Variants in PCNT observed in about 807,000 individuals in gnomAD.
The protein encoded by PCNT is kendrin.
Under a neutral mutation model 380.4 loss-of-function variants are expected in PCNT, and 319 were observed. That is an observed-to-expected ratio of 0.84 (90% confidence interval 0.77 to 0.92). PCNT has a LOEUF of 0.92. Among genes scored for constraint, PCNT ranks in the 40% least tolerant of loss-of-function variants. The pLI is 0.00. For missense variants in PCNT, 4,400 were observed against 4,255.3 expected, an observed-to-expected ratio of 1.03 and a Z score of -0.95; for synonymous variants, 1,845 against 1,735.2, an observed-to-expected ratio of 1.06 and a Z score of -1.57.
intron 19 of PCNT, 129 bp from the exon 20 acceptor site, chr21:46,390,525 GCTCAGGTCCCGTCACC>G: frequency 1.2e-6 from 1 of 822,208 alleles, no homozygotes; most frequent in Non-Finnish European, 2.1e-6. Context: ...GCTGAGATGT[GCTCAGGTCCCGTCACC>G]CTGGCCTGGC....
At position 46,390,783 on chromosome 21, in the gene PCNT, G is replaced by C. The variant is rs751366887; in HGVS notation, c.3954G>C (p.Glu1318Asp). The change falls in exon 20 of 47, where the codon GAG becomes GAC. Residue 1318 changes from glutamate to aspartate, a missense_variant. Transcript: ENST00000359568. Reference sequence around the variant, plus strand: ...AGGAGCTGCTGGAGTGTTTGAAGGAGGAGAGCGCAGCAAAGGCAGAGCTGG... The same window carrying C: ...AGGAGCTGCTGGAGTGTTTGAAGGACGAGAGCGCAGCAAAGGCAGAGCTGG... ...KHQELLECLK[E>D]ESAAKAELAL... The C allele has an allele frequency of 6.8e-6, 11 of 1,612,584 alleles. No homozygotes were observed. Among genetic ancestry groups the C allele is most frequent in the Non-Finnish European group, 9.3e-6 (11 of 1,179,748 alleles).
chr21:46,325,987 TGGG>T (rs2083383600), intron 1 of PCNT, among the ~76,000 whole-genome samples: 1 of 152,228 alleles, frequency 6.6e-6, no homozygotes, highest in South Asian at 2.1e-4. Flanking sequence ...TTTCTTCAGT[TGGG>T]GGAAAATTGG....
chr21:46,366,912 C>G lies in PCNT; in HGVS notation c.2938C>G (p.Gln980Glu), dbSNP rs747436234. 6.2e-7 allele frequency: 1 copy of G among 1,614,236 alleles called. No individual in the cohort carries two copies. The highest frequency in any genetic ancestry group is 2.2e-5 in the East Asian group (1 of 44,880). The change falls in exon 15 of 47, where the codon CAG becomes GAG. Residue 980 changes from glutamine (Q) to glutamate (E), a missense_variant. Gln to Glu is a conservative substitution (Grantham distance 29). Coordinates refer to ENST00000359568, the MANE Select transcript of PCNT (RefSeq NM_006031.6). Reference protein sequence around the residue: ...SLESCYLSEFQTIREEHRQAL... With the variant: ...SLESCYLSEFETIREEHRQAL... ...GGAATCCTGTTACCTCTCTGAATTT[C>G]AGACCATCCGTGAGGAGCACAGGCA... is the stretch of plus-strand genomic sequence containing the variant.
chr21:46,440,879 T>C lies in PCNT; in HGVS notation c.9418T>C (p.Leu3140=). The part of the protein sequence containing the change: ...VKMEKLYLHY[L]RAESFRKALI... The stretch of plus-strand genomic sequence containing the variant: ...GATGGAAAAATTGTACCTGCATTAC[T>C]TGAGAGCAGAGAGCTTTAGAAAAGC... Residue 3140 remains leucine, a synonymous_variant, in exon 43 of 47, where the codon TTG becomes CTG. Coordinates refer to ENST00000359568, the MANE Select transcript of PCNT (RefSeq NM_006031.6). The C allele has an allele frequency of 6.2e-7, 1 of 1,611,390 alleles. No homozygotes were observed. Among genetic ancestry groups the C allele is most frequent in the Non-Finnish European group, 8.5e-7 (1 of 1,177,458 alleles).
chr21:46,439,544 T>G (rs537540913), intron 41 of PCNT, among the ~76,000 whole-genome samples: 37 of 152,330 alleles, frequency 2.4e-4, no homozygotes, highest in African/African-American at 8.4e-4. Flanking sequence ...CAGCACCTCA[T>G]TCAGTGTAAA....
chr21:46,378,130 T>C (rs2085390958), intron 15 of PCNT, among the ~76,000 whole-genome samples: 1 of 152,218 alleles, frequency 6.6e-6, no homozygotes, highest in South Asian at 2.1e-4. Context: ...ATTTCCTTGA[T>C]GTTTCCTTTA....
chr21:46,338,321 G>A (rs549283779), intron 3 of PCNT, among the ~76,000 whole-genome samples: 115 of 152,222 alleles, frequency 7.6e-4, no homozygotes, highest in Middle Eastern at 3.4e-3. Context: ...TCCTTCCCCA[G>A]CCTCTGGCAA....
intron 39 of PCNT, 23 bp downstream of exon 39, chr21:46,436,171 G>A (rs770388927): frequency 7.5e-6 from 12 of 1,601,658 alleles, no homozygotes; most frequent in Admixed American, 5.0e-5. Context: ...GCCACCTGGC[G>A]CTCACTGGTC....
Position 46,398,222 on chromosome 21 carries a change from A to T in PCNT, c.4564-13A>T. 1.9e-6 allele frequency: 3 copies of T among 1,608,700 alleles called. No homozygotes were observed. The highest frequency in any genetic ancestry group is 2.5e-6 in the Non-Finnish European group (3 of 1,178,544). ...CTTTAAATTTTTGCCTTCCATGTAC[A>T]TGAAATCGGCAGCAGGCGCCGCTGG... On this transcript the variant is annotated splice_polypyrimidine_tract_variant and intron_variant, in intron 23 of 46. Transcript: ENST00000359568.
intron 1 of PCNT, among the ~76,000 whole-genome samples, chr21:46,325,606 A>G (rs544165735): frequency 4.5e-4 from 69 of 152,328 alleles, no homozygotes; most frequent in African/African-American, 1.6e-3. Flanking sequence ...TACTTGTGTT[A>G]TCATTTACAC....
intron 2 of PCNT, among the ~76,000 whole-genome samples, chr21:46,328,816 C>G (rs1040907439): frequency 6.6e-6 from 1 of 151,390 alleles, no homozygotes; most frequent in African/African-American, 2.4e-5. Context: ...CTCTGTCATC[C>G]AGGCTGGAGT....
chr21:46,346,614 C>T, intron 4 of PCNT, 129 bp from the exon 5 acceptor site: 1 of 1,210,918 alleles, frequency 8.3e-7, no homozygotes, highest in Non-Finnish European at 1.2e-6. Flanking sequence ...CCTGCCCCTG[C>T]TTCCACGGGA....
At position 46,416,595 on chromosome 21, in the gene PCNT, C is replaced by T. The variant is rs552008852; in HGVS notation, c.6677C>T (p.Ser2226Phe). The T allele has an allele frequency of 4.4e-6, 7 of 1,603,370 alleles. No homozygotes were observed. In the South Asian group the frequency reaches 6.7e-5, roughly 15 times the overall value. The change falls in exon 30 of 47, where the codon TCC (serine) becomes TTC (phenylalanine). Residue 2226 changes from serine to phenylalanine, a missense_variant. By Grantham distance (155) the Ser-to-Phe change is radical. Coordinates refer to ENST00000359568, the MANE Select transcript of PCNT (RefSeq NM_006031.6). Reference sequence around the variant, plus strand: ...ATGCTGGACCTGTCTTCCTGGAGCTCCCCTGAGGTCCTCAGGAAGGACTGG... The same window carrying T: ...ATGCTGGACCTGTCTTCCTGGAGCTTCCCTGAGGTCCTCAGGAAGGACTGG... ...VGMLDLSSWS[S>F]PEVLRKDWTL...
At chr21:46,419,140 T>TA (rs1359242488) in intron 31 of PCNT, among the ~76,000 whole-genome samples, 1 of 119,980 alleles carries the variant, frequency 8.3e-6, no homozygotes, top group Non-Finnish European at 1.5e-5. Context: ...TCTAACTTTT[T>TA]AAAAAATCTG....
At chr21:46,420,668 T>G (rs1362702196) in intron 31 of PCNT, 3 of 152,786 alleles carry the variant, frequency 2.0e-5, no homozygotes, top group African/African-American at 7.3e-5. Context: ...TGGCGGCACC[T>G]GCTGGCTGTG....
chr21:46,439,218 G>A lies in PCNT; in HGVS notation c.9274-865G>A, dbSNP rs777172684. 3.9e-5 allele frequency among the ~76,000 whole-genome samples: 6 copies of A among 152,200 alleles called. No individual in the cohort carries two copies. In the East Asian group the frequency reaches 5.8e-4, roughly 15 times the overall value. ...AACCACCATTCACAGAGCACACAGCGATGGCCCCCCCAAAAAGAGCAGCAG... is the reference window on the plus strand; with the variant it reads ...AACCACCATTCACAGAGCACACAGCAATGGCCCCCCCAAAAAGAGCAGCAG... On this transcript the variant is annotated intron_variant, in intron 41 of 46. Transcript: ENST00000359568.
chr21:46,326,675 G>A, intron 2 of PCNT, 86 bp downstream of exon 2: 1 of 1,418,978 alleles, frequency 7.0e-7, no homozygotes, highest in Non-Finnish European at 9.9e-7. Flanking sequence ...TCTTTGGTCT[G>A]TTTTTGCCTT....
intron 18 of PCNT, 28 bp from the exon 19 acceptor site, chr21:46,389,171 C>T (rs576434224): frequency 2.0e-5 from 32 of 1,597,832 alleles, no homozygotes; most frequent in South Asian, 1.4e-4. Flanking sequence ...CACTGAGCCG[C>T]GTGTGCCGGC....
intron 31 of PCNT, among the ~76,000 whole-genome samples, chr21:46,419,640 C>T (rs796367943): frequency 2.8e-4 from 43 of 152,346 alleles, no homozygotes; most frequent in African/African-American, 9.4e-4. Flanking sequence ...CTGCTGTCCT[C>T]GCACACAGTG....
Sources: allele counts gnomAD v4.1 joint callset (sites outside exome capture counted in the v4.1 genomes callset), GRCh38; gene constraint gnomAD v4.1.1; transcripts MANE v1.5; gene names NCBI Gene and HGNC (gene_info 2026-07-23, HGNC 2026-07-21).